Variants in INPP4B observed in about 807,000 individuals in gnomAD.
INPP4B encodes inositol polyphosphate-4-phosphatase type II B, also known as inositol polyphosphate 4-phosphatase type II.
Under a neutral mutation model 122.5 loss-of-function variants are expected in INPP4B, and 55 were observed. The observed-to-expected ratio is 0.45, with a 90% CI of 0.36 to 0.56. The LOEUF is 0.56. Ranked by LOEUF, INPP4B falls within the 20% of genes least tolerant of loss-of-function variation. The probability of loss-of-function intolerance (pLI) is 0.00; values close to 1 mark genes in which losing one functional copy is unlikely to be tolerated. For missense variants in INPP4B, 1,000 were observed against 1,097.7 expected (o/e 0.91, Z 1.26); for synonymous variants, 403 against 388.7 (o/e 1.04, Z -0.43).
At chr4:142,734,524 A>C (rs1766542216) in intron 1 of INPP4B, among the ~76,000 whole-genome samples, 1 of 152,148 alleles carries the variant, frequency 6.6e-6, no homozygotes, top group African/African-American at 2.4e-5. Context: ...TTTGCAAAAA[A>C]TGTATTGAGT....
intron 2 of INPP4B, among the ~76,000 whole-genome samples, chr4:142,492,628 TG>T (rs1456682276): frequency 6.6e-6 from 1 of 152,178 alleles, no homozygotes; most frequent in Non-Finnish European, 1.5e-5. Context: ...GGTGGCATTT[TG>T]CCCCTGCCCT....
At chr4:142,243,883 A>T (rs1860738793) in intron 11 of INPP4B, among the ~76,000 whole-genome samples, 1 of 24,108 alleles carries the variant, frequency 4.1e-5, no homozygotes, top group Non-Finnish European at 1.4e-4. Context: ...ATGGTGCTAC[A>T]TGGTAGAACA....
intron 2 of INPP4B, among the ~76,000 whole-genome samples, chr4:142,713,578 G>A (rs1465428074): frequency 2.0e-5 from 3 of 152,328 alleles, no homozygotes; most frequent in South Asian, 2.1e-4. Flanking sequence ...AACATTCTCT[G>A]AAAGTCACAC....
intron 11 of INPP4B, among the ~76,000 whole-genome samples, chr4:142,260,172 G>C (rs1160819658): frequency 6.6e-6 from 1 of 152,118 alleles, no homozygotes; most frequent in Non-Finnish European, 1.5e-5. Flanking sequence ...TTTTAGTAGA[G>C]ACGGGGTTTC....
chr4:142,082,992 G>A (rs1001720235), intron 24 of INPP4B, among the ~76,000 whole-genome samples: 2 of 151,848 alleles, frequency 1.3e-5, no homozygotes, highest in Admixed American at 6.6e-5. Flanking sequence ...TAGGCATGGT[G>A]ATGCATGCTT....
intron 16 of INPP4B, among the ~76,000 whole-genome samples, chr4:142,172,026 G>T (rs1042770631): frequency 1.3e-5 from 2 of 151,728 alleles, no homozygotes; most frequent in African/African-American, 4.8e-5. Context: ...GAAATGAACC[G>T]AAATGAAATT....
At chr4:142,486,559 C>T (rs1284940787) in intron 2 of INPP4B, among the ~76,000 whole-genome samples, 1 of 151,982 alleles carries the variant, frequency 6.6e-6, no homozygotes, top group Non-Finnish European at 1.5e-5. Context: ...TAATCTGTGG[C>T]TTGCCATTTA....
At chr4:142,310,397 A>T (rs565448937) in intron 8 of INPP4B, among the ~76,000 whole-genome samples, 7 of 152,322 alleles carry the variant, frequency 4.6e-5, no homozygotes, top group African/African-American at 1.4e-4. Context: ...AAATTAATTC[A>T]GCCTGTTTCT....
chr4:142,226,655 G>A (rs1183825336), intron 12 of INPP4B, among the ~76,000 whole-genome samples: 2 of 152,064 alleles, frequency 1.3e-5, no homozygotes, highest in Non-Finnish European at 2.9e-5. Context: ...GAATTCTAAC[G>A]AAAAGAGTAA....
At chr4:142,799,765 G>A (rs576190369) in intron 1 of INPP4B, among the ~76,000 whole-genome samples, 2 of 151,570 alleles carry the variant, frequency 1.3e-5, no homozygotes, top group Non-Finnish European at 3.0e-5. Flanking sequence ...TCCCTGTTTT[G>A]TTTTTACTAA....
At chr4:142,219,058 T>A (rs762570449) in intron 12 of INPP4B, among the ~76,000 whole-genome samples, 10 of 152,198 alleles carry the variant, frequency 6.6e-5, no homozygotes, top group African/African-American at 9.6e-5. Flanking sequence ...AAATACATTC[T>A]TATAAATGAC....
chr4:142,202,407 T>G (rs1841016886), intron 14 of INPP4B, among the ~76,000 whole-genome samples: 1 of 152,112 alleles, frequency 6.6e-6, no homozygotes, highest in South Asian at 2.1e-4. Flanking sequence ...TGGCAGGAAT[T>G]GCAAAAGCCT....
chr4:142,415,698 G>A (rs1805576577), intron 5 of INPP4B, among the ~76,000 whole-genome samples: 2 of 152,136 alleles, frequency 1.3e-5, no homozygotes, highest in South Asian at 4.1e-4. Context: ...AAAGACACGT[G>A]CACACGTATG....
chr4:142,277,550 A>C (rs2150712986), intron 9 of INPP4B, among the ~76,000 whole-genome samples: 1 of 151,982 alleles, frequency 6.6e-6, no homozygotes, highest in South Asian at 2.1e-4. Context: ...AGAGGAAAAT[A>C]ACTCACTATA....
chr4:142,621,403 T>A (rs961399109), intron 2 of INPP4B, among the ~76,000 whole-genome samples: 6 of 151,958 alleles, frequency 3.9e-5, no homozygotes, highest in Non-Finnish European at 5.9e-5. Flanking sequence ...CACACACCAC[T>A]TATACAGTCC....
intron 2 of INPP4B, among the ~76,000 whole-genome samples, chr4:142,553,740 T>A (rs2150087055): frequency 6.6e-6 from 1 of 152,326 alleles, no homozygotes; most frequent in Middle Eastern, 3.4e-3. Context: ...CCATTGGTGT[T>A]TCCTGGTCCC....
At chr4:142,303,432 T>C (rs1014667366) in intron 9 of INPP4B, among the ~76,000 whole-genome samples, 1 of 152,226 alleles carries the variant, frequency 6.6e-6, no homozygotes, top group East Asian at 1.9e-4. Flanking sequence ...AAGTCAGAAA[T>C]AATCAGTGCA....
At chr4:142,694,669 G>T (rs1760768933) in intron 2 of INPP4B, among the ~76,000 whole-genome samples, 1 of 152,146 alleles carries the variant, frequency 6.6e-6, no homozygotes, top group Admixed American at 6.5e-5. Context: ...GGTAAACTAT[G>T]CTGGGAAGGG....
chr4:142,497,770 T>C (rs1352504889), intron 2 of INPP4B, among the ~76,000 whole-genome samples: 1 of 152,196 alleles, frequency 6.6e-6, no homozygotes, highest in South Asian at 2.1e-4. Flanking sequence ...GCTTCAGTCA[T>C]TGCATAGAAA....
Sources: allele counts gnomAD v4.1 joint callset (sites outside exome capture counted in the v4.1 genomes callset), GRCh38; gene constraint gnomAD v4.1.1; transcripts MANE v1.5; gene names NCBI Gene and HGNC (gene_info 2026-07-23, HGNC 2026-07-21).